FHOD3: variants seen among roughly 807,000 people sequenced by gnomAD.
FHOD3 encodes formin homology 2 domain containing 3, also known as FH1/FH2 domain-containing protein 3.
Under a neutral mutation model 173.0 loss-of-function variants are expected in FHOD3, and 90 were observed. The observed-to-expected ratio is 0.52, with a 90% CI of 0.44 to 0.62. The LOEUF (loss-of-function observed/expected upper bound fraction) is 0.62, where lower values mean the gene tolerates loss of function less well. Among genes scored for constraint, FHOD3 ranks in the 20% least tolerant of loss-of-function variants. The pLI is 0.00. For synonymous variants in FHOD3, 828 were observed against 823.0 expected, an observed-to-expected ratio of 1.01 and a Z score of -0.10; for missense variants, 1,945 against 2,034.7, an observed-to-expected ratio of 0.96 and a Z score of 0.85.
At chr18:36,725,773 G>T (rs2041032618) in intron 19 of FHOD3, among the ~76,000 whole-genome samples, 1 of 152,134 alleles carries the variant, frequency 6.6e-6, no homozygotes, top group East Asian at 1.9e-4. Flanking sequence ...TAGTTTTTCT[G>T]ATTCCATATT....
Position 36,718,406 on chromosome 18 carries a change from C to A in FHOD3, c.3108C>A (p.Pro1036=). The change falls in exon 19 of 29, where the codon CCC becomes CCA. Residue 1036 remains proline, a synonymous_variant. Transcript: ENST00000590592. The part of the protein sequence containing the change: ...PPTFLGLPPP[P]PPPLLDSIPP... ...CCTTTCTGGGTTTGCCGCCCCCACC[C>A]CCTCCGCCCCTGTTGGACAGCATTC... 1.3e-6 allele frequency: 2 copies of A among 1,572,002 alleles called. No individual in the cohort carries two copies. The highest frequency in any genetic ancestry group is 1.7e-6 in the Non-Finnish European group (2 of 1,148,634).
At chr18:36,381,470 G>T (rs1426634323) in intron 3 of FHOD3, among the ~76,000 whole-genome samples, 1 of 152,198 alleles carries the variant, frequency 6.6e-6, no homozygotes, top group African/African-American at 2.4e-5. Context: ...TCTGTCACCT[G>T]ATCAGAACTG....
chr18:36,717,329 G>T (rs1483833920), intron 18 of FHOD3, among the ~76,000 whole-genome samples: 1 of 152,140 alleles, frequency 6.6e-6, no homozygotes, highest in Non-Finnish European at 1.5e-5. Context: ...ACCGTGATAA[G>T]GAGTGAACCT....
chr18:36,300,821 C>T (rs1391481021), intron 1 of FHOD3, among the ~76,000 whole-genome samples: 1 of 152,076 alleles, frequency 6.6e-6, no homozygotes, highest in African/African-American at 2.4e-5. Flanking sequence ...TCACTGTAAC[C>T]TTGACCTCCC....
intron 14 of FHOD3, among the ~76,000 whole-genome samples, chr18:36,676,319 A>G (rs903809746): frequency 2.6e-5 from 4 of 152,218 alleles, no homozygotes; most frequent in Admixed American, 2.0e-4. Flanking sequence ...TTCACTATCT[A>G]TATATTTTGC....
chr18:36,548,457 A>T (rs2057503529), intron 5 of FHOD3, among the ~76,000 whole-genome samples: 1 of 152,166 alleles, frequency 6.6e-6, no homozygotes, highest in Non-Finnish European at 1.5e-5. Flanking sequence ...ATCTGTACAT[A>T]CTTAAGGCAT....
chr18:36,547,743 C>T (rs545976813), intron 5 of FHOD3, among the ~76,000 whole-genome samples: 13 of 152,334 alleles, frequency 8.5e-5, no homozygotes, highest in African/African-American at 3.1e-4. Context: ...TGGAGGCAGC[C>T]TGTGTTCTTC....
At chr18:36,699,734 TCACGTTGACTTTCTGGTACCTGAAATA>T (rs1380715003) in intron 17 of FHOD3, among the ~76,000 whole-genome samples, 1 of 152,174 alleles carries the variant, frequency 6.6e-6, no homozygotes, top group Non-Finnish European at 1.5e-5. Context: ...CAAGACACAC[TCACGTTGACTTTCTGGTACCTGAAATA>T]CACTTTTTCA....
intron 11 of FHOD3, among the ~76,000 whole-genome samples, chr18:36,652,322 G>A (rs1600092506): frequency 6.6e-6 from 1 of 152,240 alleles, no homozygotes; most frequent in East Asian, 1.9e-4. Flanking sequence ...TGGCCTGAGA[G>A]CCACCTCCTT....
intron 14 of FHOD3, among the ~76,000 whole-genome samples, chr18:36,661,054 T>G (rs556495757): frequency 6.6e-6 from 1 of 152,236 alleles, no homozygotes; most frequent in Non-Finnish European, 1.5e-5. Flanking sequence ...AGATGTGCAG[T>G]TTTATTAAGA....
Position 36,612,088 on chromosome 18 carries a change from T to G in FHOD3, c.950T>G (p.Ile317Ser), listed in dbSNP as rs1158523111. ...CTGGACTTAGTGGAGCAACTCAACA[T>G]TTATGAGGTACCAGACCATGCCTTT... ...TDLDLVEQLN[I>S]YEVALRHEDG... Residue 317 changes from isoleucine (I) to serine (S), a missense_variant, in exon 9 of 29, where the codon ATT becomes AGT. Transcript: ENST00000590592. 2 of 1,613,808 alleles carry G rather than the reference T, an allele frequency of 1.2e-6. No homozygotes were observed. Among genetic ancestry groups the G allele is most frequent in the South Asian group, 2.2e-5 (2 of 90,958 alleles).
In FHOD3 at chr18:36,594,915, C is replaced by T; in HGVS notation, c.718+17C>T. ...CGAAAAGAGGTGAGTAGTCCCTGCC[C>T]CCTTATGTCATGAAGGTGAAGGTGT... On this transcript the variant is annotated intron_variant, in intron 7 of 28. Coordinates refer to ENST00000590592, the MANE Select transcript of FHOD3 (RefSeq NM_001281740.3). 2 of 1,545,476 alleles carry T rather than the reference C, an allele frequency of 1.3e-6. No homozygotes were observed. The highest frequency in any genetic ancestry group is 1.8e-6 in the Non-Finnish European group (2 of 1,120,514).
At chr18:36,504,606 G>T (rs577855946) in intron 4 of FHOD3, among the ~76,000 whole-genome samples, 2 of 151,694 alleles carry the variant, frequency 1.3e-5, no homozygotes, top group African/African-American at 4.8e-5. Context: ...GTGGGGGCAG[G>T]GGGGAGGGGA....
intron 5 of FHOD3, among the ~76,000 whole-genome samples, chr18:36,552,418 A>G (rs1444763895): frequency 2.0e-5 from 3 of 152,034 alleles, no homozygotes; most frequent in Non-Finnish European, 4.4e-5. Context: ...GGGTTTTCTA[A>G]ATATACAATC....
intron 14 of FHOD3, among the ~76,000 whole-genome samples, chr18:36,663,289 C>T (rs956757998): frequency 5.9e-5 from 9 of 152,150 alleles, no homozygotes; most frequent in African/African-American, 1.2e-4. Flanking sequence ...GTTTCCCTAC[C>T]GTGTGTCAGA....
At chr18:36,751,970 GT>G (rs1045954009) in intron 24 of FHOD3, among the ~76,000 whole-genome samples, 3 of 152,112 alleles carry the variant, frequency 2.0e-5, no homozygotes, top group Non-Finnish European at 4.4e-5. Context: ...AGGAAAGAAG[GT>G]TAATTGACTC....
chr18:36,344,952 T>TAAA (rs1300548845), intron 1 of FHOD3, among the ~76,000 whole-genome samples: 5 of 152,218 alleles, frequency 3.3e-5, no homozygotes, highest in Non-Finnish European at 5.9e-5. Context: ...CTCATAGTGC[T>TAAA]AGAAGAGTCC....
chr18:36,528,951 G>T (rs890383348), intron 5 of FHOD3, among the ~76,000 whole-genome samples: 4 of 152,166 alleles, frequency 2.6e-5, no homozygotes, highest in Non-Finnish European at 4.4e-5. Flanking sequence ...GCATTAGCTG[G>T]ACAGAATGTC....
intron 15 of FHOD3, among the ~76,000 whole-genome samples, chr18:36,686,472 A>T (rs2149444957): frequency 6.6e-6 from 1 of 151,190 alleles, no homozygotes; most frequent in Non-Finnish European, 1.5e-5. Flanking sequence ...AGAACAACAC[A>T]CACTGGGGCC....
Sources: allele counts gnomAD v4.1 joint callset (sites outside exome capture counted in the v4.1 genomes callset), GRCh38; gene constraint gnomAD v4.1.1; transcripts MANE v1.5; gene names NCBI Gene and HGNC (gene_info 2026-07-23, HGNC 2026-07-21).